SLCO1C1: variants seen among roughly 807,000 people sequenced by gnomAD.
SLCO1C1 encodes the protein solute carrier organic anion transporter family member 1C1, also known as OAT-RP-5.
In SLCO1C1, 70 loss-of-function variants were observed where a neutral mutation model predicts 76.4. The ratio of observed to expected loss-of-function variants is 0.92; its 90% CI spans 0.76 to 1.12. The LOEUF (loss-of-function observed/expected upper bound fraction) is 1.12. Among genes scored for constraint, SLCO1C1 ranks in the 50% most tolerant of loss-of-function variants. SLCO1C1 has a pLI of 0.00. For synonymous variants in SLCO1C1, 306 were observed against 286.1 expected (o/e 1.07, Z -0.70); for missense variants, 912 against 823.8 (o/e 1.11, Z -1.31).
chr12:20,750,146 C>A (rs926462039), intron 13 of SLCO1C1, among the ~76,000 whole-genome samples: 1 of 152,198 alleles, frequency 6.6e-6, no homozygotes, highest in African/African-American at 2.4e-5. Context: ...GTGATGCAAC[C>A]TCTGTATGAT....
At chr12:20,720,477 G>A (rs950524922) in intron 7 of SLCO1C1, among the ~76,000 whole-genome samples, 1 of 152,148 alleles carries the variant, frequency 6.6e-6, no homozygotes, top group Non-Finnish European at 1.5e-5. Flanking sequence ...TTCTGGAAAG[G>A]ATTCCCCATT....
chr12:20,724,407 GTGTGTATATA>G (rs1283046252), intron 9 of SLCO1C1, among the ~76,000 whole-genome samples: 243 of 45,272 alleles, frequency 5.4e-3, no homozygotes, highest in East Asian at 0.021. Flanking sequence ...GTGTGTGTGT[GTGTGTATATA>G]TATATATATA....
intron 4 of SLCO1C1, among the ~76,000 whole-genome samples, chr12:20,708,987 G>T (rs1565504697): frequency 6.6e-6 from 1 of 152,164 alleles, no homozygotes; most frequent in Admixed American, 6.5e-5. Context: ...GCTTTAAGCA[G>T]AGTGACATGA....
At chr12:20,736,191 G>C (rs1349854096) in intron 10 of SLCO1C1, among the ~76,000 whole-genome samples, 1 of 151,584 alleles carries the variant, frequency 6.6e-6, no homozygotes, top group Non-Finnish European at 1.5e-5. Context: ...GGCCATTCAG[G>C]TGACAGAAAA....
At chr12:20,712,790 CAT>C (rs1214325934) in intron 5 of SLCO1C1, among the ~76,000 whole-genome samples, 2 of 152,010 alleles carry the variant, frequency 1.3e-5, no homozygotes, top group East Asian at 3.9e-4. Context: ...GGACTAAAAA[CAT>C]ATGGAAATGT....
intron 9 of SLCO1C1, among the ~76,000 whole-genome samples, chr12:20,725,596 T>C (rs1259023315): frequency 6.8e-6 from 1 of 148,038 alleles, no homozygotes; most frequent in Non-Finnish European, 1.5e-5. Flanking sequence ...ATTTGTGTTG[T>C]TTTCTTTTAA....
chr12:20,712,733 T>C (rs933530135), intron 5 of SLCO1C1, among the ~76,000 whole-genome samples: 1 of 152,196 alleles, frequency 6.6e-6, no homozygotes, highest in African/African-American at 2.4e-5. Context: ...GATGTCTTTT[T>C]TTCCAGGCAA....
chr12:20,703,358 T>C (rs112887792), intron 3 of SLCO1C1, among the ~76,000 whole-genome samples: 5 of 151,826 alleles, frequency 3.3e-5, no homozygotes, highest in African/African-American at 1.2e-4. Context: ...GGACAAATTG[T>C]CTAAAACAAA....
chr12:20,722,783 C>T (rs1043030945), intron 8 of SLCO1C1, among the ~76,000 whole-genome samples: 3 of 152,206 alleles, frequency 2.0e-5, no homozygotes, highest in African/African-American at 7.2e-5. Flanking sequence ...GGAGTATTCT[C>T]ATCCTTTTCG....
Position 20,722,727 on chromosome 12 carries a change from G to T in SLCO1C1, c.1022-363G>T, listed in dbSNP as rs189888485. On this transcript the variant is annotated intron_variant, in intron 8 of 14. Transcript: ENST00000266509. ...AGTTTGAGGAATAGAGACAAGAAAAGTGAAGGTCTTTATGTCCTGCCTGTG... is the reference window on the plus strand; with the variant it reads ...AGTTTGAGGAATAGAGACAAGAAAATTGAAGGTCTTTATGTCCTGCCTGTG... Among the ~76,000 whole-genome samples, 4 of 152,370 alleles carry T rather than the reference G, an allele frequency of 2.6e-5. No homozygotes were observed. The East Asian group carries it at 7.7e-4, about 29-fold the overall frequency.
At chr12:20,717,648 CTTTTTTTTTT>C (rs534946900) in intron 7 of SLCO1C1, among the ~76,000 whole-genome samples, 25 of 42,316 alleles carry the variant, frequency 5.9e-4, no homozygotes, top group African/African-American at 7.4e-4. Flanking sequence ...AACAGCCCTT[CTTTTTTTTTT>C]TTTTTTTTTT....
intron 1 of SLCO1C1, among the ~76,000 whole-genome samples, chr12:20,698,555 C>G (rs546781468): frequency 6.6e-6 from 1 of 152,140 alleles, no homozygotes; most frequent in South Asian, 2.1e-4. Flanking sequence ...GAACACAAAA[C>G]AAGCATTGCA....
intron 9 of SLCO1C1, among the ~76,000 whole-genome samples, chr12:20,732,111 C>T (rs1258070312): frequency 1.3e-5 from 2 of 152,078 alleles, no homozygotes; most frequent in Non-Finnish European, 2.9e-5. Flanking sequence ...GTTTACAGCT[C>T]ACAGTTATTA....
chr12:20,725,111 ATAAC>A (rs1176305157), intron 9 of SLCO1C1, among the ~76,000 whole-genome samples: 1 of 137,306 alleles, frequency 7.3e-6, no homozygotes, highest in Non-Finnish European at 1.5e-5. Flanking sequence ...AACATGATAT[ATAAC>A]TATCATATAT....
intron 9 of SLCO1C1, among the ~76,000 whole-genome samples, chr12:20,730,940 C>T (rs1391410551): frequency 1.3e-5 from 2 of 152,122 alleles, no homozygotes; most frequent in East Asian, 3.9e-4. Context: ...TGCTGCCCCT[C>T]CAGACTGGCA....
In SLCO1C1 at chr12:20,747,307, G is replaced by A. The variant is rs374828519; in HGVS notation, c.1799-3368G>A. On this transcript the variant is annotated intron_variant, in intron 13 of 14. Coordinates refer to ENST00000266509, the MANE Select transcript of SLCO1C1 (RefSeq NM_017435.5). ...GCCTGGCATGGTGGTGCATGCTTGT[G>A]GTCCCAGATACTCGGGGAGTCTGAG... Among the ~76,000 whole-genome samples the A allele has an allele frequency of 7.8e-4, 119 of 152,070 alleles. 1 individual carries two copies. The highest frequency in any genetic ancestry group is 2.7e-3 in the African/African-American group (112 of 41,500).
chr12:20,730,380 A>T (rs1948214869), intron 9 of SLCO1C1, among the ~76,000 whole-genome samples: 1 of 152,226 alleles, frequency 6.6e-6, no homozygotes, highest in South Asian at 2.1e-4. Context: ...AGGAGAAAGA[A>T]GATGAAACCT....
At chr12:20,708,979 T>A (rs1946920880) in intron 4 of SLCO1C1, among the ~76,000 whole-genome samples, 1 of 152,142 alleles carries the variant, frequency 6.6e-6, no homozygotes. Flanking sequence ...TTTAGAAAGC[T>A]TTAAGCAGAG....
intron 6 of SLCO1C1, among the ~76,000 whole-genome samples, chr12:20,716,546 G>A (rs535680015): frequency 6.6e-6 from 1 of 152,248 alleles, no homozygotes; most frequent in East Asian, 1.9e-4. Flanking sequence ...TGTCCTTTAG[G>A]CCATCTGTTC....
Sources: allele counts gnomAD v4.1 joint callset (sites outside exome capture counted in the v4.1 genomes callset), GRCh38; gene constraint gnomAD v4.1.1; transcripts MANE v1.5; gene names NCBI Gene and HGNC (gene_info 2026-07-23, HGNC 2026-07-21).